Variants in LRRC8C observed in about 807,000 individuals in gnomAD.
LRRC8C encodes volume-regulated anion channel subunit LRRC8C.
Under a neutral mutation model 55.3 loss-of-function variants are expected in LRRC8C, and 20 were observed. The ratio of observed to expected loss-of-function variants is 0.36; its 90% CI spans 0.25 to 0.53. The LOEUF (loss-of-function observed/expected upper bound fraction) is 0.53. Ranked by LOEUF, LRRC8C falls within the 20% of genes least tolerant of loss-of-function variation. LRRC8C has a pLI of 0.92. For missense variants in LRRC8C, 659 were observed against 951.4 expected (o/e 0.69, Z 4.04); for synonymous variants, 376 against 360.7 (o/e 1.04, Z -0.48).
intron 2 of LRRC8C, among the ~76,000 whole-genome samples, chr1:89,691,249 C>T (rs2101298351): frequency 6.6e-6 from 1 of 152,304 alleles, no homozygotes; most frequent in Admixed American, 6.5e-5. Context: ...ATGTTGTCAT[C>T]TCAGTCACTG....
intron 1 of LRRC8C, among the ~76,000 whole-genome samples, chr1:89,663,499 G>T (rs572592241): frequency 5.6e-4 from 85 of 151,904 alleles, no homozygotes; most frequent in African/African-American, 1.5e-3. Flanking sequence ...GAACCCGGGA[G>T]GCAGAGCTTG....
At chr1:89,694,585 C>CTTTTTTT (rs33917661) in intron 2 of LRRC8C, among the ~76,000 whole-genome samples, 17 of 83,222 alleles carry the variant, frequency 2.0e-4, no homozygotes, top group Non-Finnish European at 2.4e-4. Context: ...TGCCCAGCTT[C>CTTTTTTT]TTTTTTTTTT....
rs375875873 is a variant in LRRC8C, at chr1:89,714,460, C to A, written c.1890C>A (p.Ile630=). ...ACAATCTGAAATCTATAGAAGAAAT[C>A]GTTAGCTTTCAGCACTTAAGAAAGT... The part of the protein sequence containing the change: ...KENNLKSIEE[I]VSFQHLRKLT... The change falls in exon 3 of 3, where the codon ATC becomes ATA. Residue 630 remains isoleucine (I), a synonymous_variant. Coordinates refer to ENST00000370454, the MANE Select transcript of LRRC8C (RefSeq NM_032270.5). This position sits in a 1 kb window ranked among gnomAD's most constrained non-coding sequence, Gnocchi z 4.6. 1.9e-5 allele frequency: 31 copies of A among 1,614,114 alleles called. No individual in the cohort carries two copies. Among genetic ancestry groups the A allele is most frequent in the Non-Finnish European group, 2.3e-5 (27 of 1,180,010 alleles).
intron 1 of LRRC8C, among the ~76,000 whole-genome samples, chr1:89,659,502 C>T (rs1023959032): frequency 1.3e-5 from 2 of 152,092 alleles, no homozygotes; most frequent in East Asian, 1.9e-4. Context: ...GATATTTGGG[C>T]GTTAAGTAAT....
At position 89,717,486 on chromosome 1, in the gene LRRC8C, C is replaced by G. The variant is rs1438651071; in HGVS notation, c.*2504C>G. The G allele has an allele frequency of 6.6e-6, 1 of 152,070 alleles. No homozygotes were observed. The highest frequency in any genetic ancestry group is 1.5e-5 in the Non-Finnish European group (1 of 67,998). 9.4% of individuals were successfully genotyped at this position (152,070 alleles called of 1,614,324 possible). On this transcript the variant is annotated 3_prime_UTR_variant, in exon 3 of 3. Coordinates refer to ENST00000370454, the MANE Select transcript of LRRC8C (RefSeq NM_032270.5). ...GTGATTTTGCAGGCTGACCCCCAAC[C>G]TAAGTTTTGATAACATCTGGTAAGT...
chr1:89,628,712 TATGGGGTAG>T (rs1656035837), upstream of LRRC8C, among the ~76,000 whole-genome samples: 1 of 152,216 alleles, frequency 6.6e-6, no homozygotes, highest in Non-Finnish European at 1.5e-5. Flanking sequence ...TCCTCCCAGG[TATGGGGTAG>T]GACCCCCTGG....
In LRRC8C at chr1:89,713,416, T is replaced by C; in HGVS notation, c.846T>C (p.Ala282=). Residue 282 remains alanine (A), a synonymous_variant, in exon 3 of 3, where the codon GCT becomes GCC. Coordinates refer to ENST00000370454, the MANE Select transcript of LRRC8C (RefSeq NM_032270.5). This position sits in a 1 kb window ranked among gnomAD's most constrained non-coding sequence, Gnocchi z 5.2. ...KFLIIIAYNS[A]LVSKVQFTVD... ...TAATCATCATTGCATATAATAGTGC[T>C]CTGGTTTCCAAGGTCCAGTTTACAG... The C allele has an allele frequency of 6.2e-7, 1 of 1,614,190 alleles. No homozygotes were observed. Among genetic ancestry groups the C allele is most frequent in the Non-Finnish European group, 8.5e-7 (1 of 1,180,020 alleles).
chr1:89,699,499 T>C (rs1479046848), intron 2 of LRRC8C, among the ~76,000 whole-genome samples: 1 of 152,210 alleles, frequency 6.6e-6, no homozygotes, highest in Non-Finnish European at 1.5e-5. Context: ...GAAATCTCTG[T>C]ACCTTCCTTT....
At chr1:89,667,509 C>T (rs1217025406) in intron 1 of LRRC8C, among the ~76,000 whole-genome samples, 2 of 152,066 alleles carry the variant, frequency 1.3e-5, no homozygotes. Context: ...GCACGAGTTA[C>T]TTATATTGGG....
intron 2 of LRRC8C, among the ~76,000 whole-genome samples, chr1:89,696,700 G>A (rs1658185063): frequency 6.6e-6 from 1 of 152,120 alleles, no homozygotes; most frequent in African/African-American, 2.4e-5. Context: ...TAAAGAGAGA[G>A]TCAAAACAGA....
At chr1:89,647,086 A>G (rs762357135) in intron 1 of LRRC8C, among the ~76,000 whole-genome samples, 21 of 152,208 alleles carry the variant, frequency 1.4e-4, no homozygotes, top group Non-Finnish European at 2.6e-4. Context: ...AGCTTTCCCC[A>G]TAATGTGAGT....
At chr1:89,702,195 T>G (rs918258544) in intron 2 of LRRC8C, among the ~76,000 whole-genome samples, 1 of 151,644 alleles carries the variant, frequency 6.6e-6, no homozygotes, top group Non-Finnish European at 1.5e-5. Context: ...TGGTGGACTC[T>G]GGGGGGCTGG....
intron 1 of LRRC8C, among the ~76,000 whole-genome samples, chr1:89,664,531 T>C (rs543520664): frequency 2.0e-4 from 30 of 152,220 alleles, no homozygotes; most frequent in Non-Finnish European, 3.7e-4. Context: ...ACCATGCTGT[T>C]TTGATTACTG....
At chr1:89,619,008 CTGTAGA>C in the LRRC8C span, among the ~76,000 whole-genome samples, 1 of 152,182 alleles carries the variant, frequency 6.6e-6, no homozygotes, top group Non-Finnish European at 1.5e-5. Context: ...CCTCCCTACT[CTGTAGA>C]TCACAAATTT....
At chr1:89,659,064 TGTGTGTGTGTGTGTGTGTGTG>T (rs1657040875) in intron 1 of LRRC8C, among the ~76,000 whole-genome samples, 1 of 25,830 alleles carries the variant, frequency 3.9e-5, no homozygotes, top group Non-Finnish European at 8.7e-5. Flanking sequence ...TTTTTTTTTG[TGTGTGTGTGTGTGTGTGTGTG>T]TGTGTGTGTG....
Position 89,686,497 on chromosome 1 carries a change from G to A in LRRC8C, c.24G>A (p.Arg8=). ...ACATGATTCCCGTGACAGAATTCCGGCAGTTCTCTGAGCAGCAGCCTGCCT... is the reference window on the plus strand; with the variant it reads ...ACATGATTCCCGTGACAGAATTCCGACAGTTCTCTGAGCAGCAGCCTGCCT... MIPVTEF[R]QFSEQQPAFR... Residue 8 remains arginine, a synonymous_variant, in exon 2 of 3, where the codon CGG becomes CGA. Transcript: ENST00000370454. 6.2e-7 allele frequency: 1 copy of A among 1,614,118 alleles called. No homozygotes were observed. The highest frequency in any genetic ancestry group is 8.5e-7 in the Non-Finnish European group (1 of 1,180,026).
intron 1 of LRRC8C, among the ~76,000 whole-genome samples, chr1:89,643,535 A>G (rs1160626388): frequency 6.6e-6 from 1 of 152,254 alleles, no homozygotes; most frequent in African/African-American, 2.4e-5. Flanking sequence ...TGTAGATTCC[A>G]TGATAGTGGA....
At chr1:89,621,296 T>TAAAAAAA in the LRRC8C span, among the ~76,000 whole-genome samples, 22 of 123,836 alleles carry the variant, frequency 1.8e-4, no homozygotes, top group African/African-American at 6.0e-4. Flanking sequence ...CCGTCTCTAC[T>TAAAAAAA]AAAAAAAAAA....
At chr1:89,698,207 C>T (rs753650697) in intron 2 of LRRC8C, among the ~76,000 whole-genome samples, 4 of 152,186 alleles carry the variant, frequency 2.6e-5, no homozygotes, top group South Asian at 4.1e-4. Flanking sequence ...GTGTGCAAAA[C>T]GAATTGTTTC....
Sources: gnomAD v4.1 joint callset for allele counts (sites outside exome capture counted in the v4.1 genomes callset) on GRCh38, gnomAD v4.1.1 for gene constraint, Gnocchi (gnomAD v3.1) non-coding constraint, MANE v1.5 for transcripts, NCBI Gene and HGNC (gene_info 2026-07-23, HGNC 2026-07-21) for gene names.